Variants in FAM184A observed in about 807,000 individuals in gnomAD.
FAM184A encodes family with sequence similarity 184 member A, also known as protein FAM184A.
A neutral mutation model predicts 143.8 loss-of-function variants in FAM184A; 99 were observed. The ratio of observed to expected loss-of-function variants is 0.69; its 90% CI spans 0.58 to 0.81. The LOEUF is 0.81. Among genes scored for constraint, FAM184A ranks in the 40% least tolerant of loss-of-function variants. The pLI, the probability that FAM184A is intolerant of heterozygous loss-of-function variation, is 0.00. For missense variants in FAM184A, 1,217 were observed against 1,310.5 expected (o/e 0.93, Z 1.10); for synonymous variants, 427 against 446.4 (o/e 0.96, Z 0.55).
intron 1 of FAM184A, among the ~76,000 whole-genome samples, chr6:119,039,248 A>G (rs1362453198): frequency 2.0e-5 from 3 of 152,228 alleles, no homozygotes; most frequent in Non-Finnish European, 2.9e-5. Flanking sequence ...GTTTCTTATA[A>G]AACTAAACAC....
rs115443317 is a variant in FAM184A, at chr6:119,097,951, T to C, written c.-202+51127A>G. On this transcript the variant is annotated intron_variant, in intron 1 of 16. Transcript: ENST00000352896. The stretch of plus-strand genomic sequence containing the variant: ...ATGTTGCTGAACCAAACTGGGGCCC[T>C]CTCACCGGATGCAGTAAGGCCGAAC... Among the ~76,000 whole-genome samples, 1,406 of 152,264 alleles carry C rather than the reference T, an allele frequency of 9.2e-3. 20 individuals carry two copies. The highest frequency in any genetic ancestry group is 0.032 in the African/African-American group (1,334 of 41,544).
intron 1 of FAM184A, among the ~76,000 whole-genome samples, chr6:119,041,755 T>A (rs1041791821): frequency 1.3e-5 from 2 of 152,104 alleles, no homozygotes; most frequent in Non-Finnish European, 2.9e-5. Context: ...TCCAGTGAGG[T>A]GCCCACTGCC....
At chr6:119,085,607 C>T (rs568066008) in intron 1 of FAM184A, among the ~76,000 whole-genome samples, 1 of 152,326 alleles carries the variant, frequency 6.6e-6, no homozygotes, top group East Asian at 1.9e-4. Flanking sequence ...TTACCTAGTT[C>T]CAAAGTCACT....
At chr6:119,095,283 C>T (rs931539068) in intron 1 of FAM184A, among the ~76,000 whole-genome samples, 1 of 152,174 alleles carries the variant, frequency 6.6e-6, no homozygotes, top group African/African-American at 2.4e-5. Context: ...AGAGAAGAAA[C>T]AATCCATGTG....
chr6:119,009,046 G>A (rs1000332913), intron 6 of FAM184A, among the ~76,000 whole-genome samples: 2 of 152,140 alleles, frequency 1.3e-5, no homozygotes, highest in Non-Finnish European at 1.5e-5. Flanking sequence ...TGGAATTCTG[G>A]CTTTACCTAC....
intron 1 of FAM184A, among the ~76,000 whole-genome samples, chr6:119,054,033 A>T (rs1369340087): frequency 6.6e-6 from 1 of 152,124 alleles, no homozygotes; most frequent in Non-Finnish European, 1.5e-5. Context: ...AAGTTAATGT[A>T]ATGAAGTTTT....
chr6:119,073,494 A>G (rs1787765245), intron 1 of FAM184A, among the ~76,000 whole-genome samples: 1 of 152,212 alleles, frequency 6.6e-6, no homozygotes. Flanking sequence ...CGAAAATGTC[A>G]AGAGGCAGTC....
chr6:119,008,157 A>T (rs558388712), intron 6 of FAM184A, among the ~76,000 whole-genome samples: 1 of 152,206 alleles, frequency 6.6e-6, no homozygotes, highest in Non-Finnish European at 1.5e-5. Context: ...TGGGGAAAAC[A>T]CCTATTGTCT....
At chr6:119,010,689 C>A (rs1440154975) in intron 6 of FAM184A, among the ~76,000 whole-genome samples, 1 of 152,122 alleles carries the variant, frequency 6.6e-6, no homozygotes, top group African/African-American at 2.4e-5. Flanking sequence ...TTTAACTGTA[C>A]AAATATTCCA....
intron 1 of FAM184A, among the ~76,000 whole-genome samples, chr6:119,041,714 G>A (rs748937846): frequency 1.2e-4 from 19 of 152,088 alleles, no homozygotes; most frequent in Non-Finnish European, 1.9e-4. Context: ...CCACCCCTCC[G>A]GATCCGGCAG....
At chr6:118,992,739 C>A (rs756280181) in intron 9 of FAM184A, among the ~76,000 whole-genome samples, 2 of 151,942 alleles carry the variant, frequency 1.3e-5, no homozygotes, top group African/African-American at 2.4e-5. Flanking sequence ...CCAGCCTGGG[C>A]AATAAAGTAA....
At chr6:118,971,371 A>G (rs1223534700) in intron 14 of FAM184A, among the ~76,000 whole-genome samples, 1 of 152,222 alleles carries the variant, frequency 6.6e-6, no homozygotes, top group Non-Finnish European at 1.5e-5. Context: ...TTTAAAATCT[A>G]AGTATAGAAA....
At chr6:119,100,327 C>T (rs1360434415) in intron 1 of FAM184A, among the ~76,000 whole-genome samples, 3 of 152,100 alleles carry the variant, frequency 2.0e-5, no homozygotes, top group East Asian at 3.9e-4. Flanking sequence ...AATTGGGGCT[C>T]ACTATCACTA....
chr6:119,020,256 G>A, intron 3 of FAM184A, 97 bp from the exon 4 acceptor site: 1 of 951,546 alleles, frequency 1.1e-6, no homozygotes, highest in Non-Finnish European at 1.4e-6. Context: ...TTATACTTAA[G>A]TAAAATAAAT....
chr6:118,994,848 A>G (rs959736587), intron 9 of FAM184A, among the ~76,000 whole-genome samples: 3 of 152,204 alleles, frequency 2.0e-5, no homozygotes, highest in Non-Finnish European at 2.9e-5. Context: ...TCACCATACT[A>G]TTGTGTAATC....
intron 1 of FAM184A, among the ~76,000 whole-genome samples, chr6:119,060,815 T>C (rs1787203313): frequency 6.6e-6 from 1 of 152,168 alleles, no homozygotes; most frequent in Admixed American, 6.5e-5. Flanking sequence ...CATGTGAAGC[T>C]CCTCACTCTC....
At position 119,022,936 on chromosome 6, in the gene FAM184A, C is replaced by G; in HGVS notation, c.1150+9G>C. The G allele has an allele frequency of 3.7e-6, 6 of 1,613,788 alleles. No homozygotes were observed. The highest frequency in any genetic ancestry group is 1.1e-5 in the South Asian group (1 of 91,020). On this transcript the variant is annotated intron_variant, in intron 3 of 17. Coordinates refer to ENST00000338891, the MANE Select transcript of FAM184A (RefSeq NM_024581.6). ...TAAGCATTACATCAAAAACTGTGGT[C>G]ACACATACTAGCTTTGAGGACAAGA... is the stretch of plus-strand genomic sequence containing the variant.
chr6:119,015,703 G>A (rs1292570164), intron 5 of FAM184A, among the ~76,000 whole-genome samples: 3 of 152,246 alleles, frequency 2.0e-5, no homozygotes, highest in Non-Finnish European at 4.4e-5. Context: ...AAGGGCTGAG[G>A]AGTGCGAGCA....
At chr6:119,074,640 T>C (rs1183335578) in intron 1 of FAM184A, among the ~76,000 whole-genome samples, 1 of 152,206 alleles carries the variant, frequency 6.6e-6, no homozygotes, top group Non-Finnish European at 1.5e-5. Flanking sequence ...CCACAAGGCC[T>C]GCTTTTCAAC....
Sources: gnomAD v4.1 joint callset for allele counts (sites outside exome capture counted in the v4.1 genomes callset) on GRCh38, gnomAD v4.1.1 for gene constraint, MANE v1.5 for transcripts, NCBI Gene and HGNC (gene_info 2026-07-23, HGNC 2026-07-21) for gene names.